The following FOCAD variants were observed in gnomAD, a reference collection of about 807,000 sequenced individuals.
FOCAD encodes the protein focadhesin.
A neutral mutation model predicts 225.6 loss-of-function variants in FOCAD; 198 were observed. The ratio of observed to expected loss-of-function variants is 0.88; its 90% confidence interval spans 0.78 to 0.99. The LOEUF is 0.99. Among genes scored for constraint, FOCAD ranks in the 50% least tolerant of loss-of-function variants. The pLI, the probability that FOCAD is intolerant of heterozygous loss-of-function variation, is 0.00. For synonymous variants in FOCAD, 897 were observed against 755.0 expected, an observed-to-expected ratio of 1.19 and a Z score of -3.08; for missense variants, 2,713 against 2,123.6, an observed-to-expected ratio of 1.28 and a Z score of -5.46.
At chr9:20,821,432 C>T (rs1205034871) in intron 14 of FOCAD, among the ~76,000 whole-genome samples, 1 of 151,944 alleles carries the variant, frequency 6.6e-6, no homozygotes, top group Non-Finnish European at 1.5e-5. Context: ...TATATTCTCC[C>T]TTTGTTTAAG....
At chr9:20,871,787 T>C (rs1482755149) in intron 18 of FOCAD, among the ~76,000 whole-genome samples, 1 of 146,494 alleles carries the variant, frequency 6.8e-6, no homozygotes, top group Non-Finnish European at 1.5e-5. Flanking sequence ...AGGGGTAGCA[T>C]TAGGAGATAT....
At chr9:20,663,926 G>A (rs1821818353) in intron 2 of FOCAD, among the ~76,000 whole-genome samples, 1 of 152,102 alleles carries the variant, frequency 6.6e-6, no homozygotes, top group African/African-American at 2.4e-5. Flanking sequence ...TTAATGTCAT[G>A]AAGTAAATCA....
chr9:20,960,326 A>G (rs1369833749), intron 35 of FOCAD, among the ~76,000 whole-genome samples: 4 of 152,216 alleles, frequency 2.6e-5, no homozygotes, highest in East Asian at 1.9e-4. Flanking sequence ...TCTGTGGCAC[A>G]TGACGTCTCA....
intron 35 of FOCAD, among the ~76,000 whole-genome samples, chr9:20,959,973 G>A (rs915100844): frequency 1.8e-4 from 27 of 152,230 alleles, no homozygotes; most frequent in African/African-American, 6.5e-4. Context: ...AGCAAAAATT[G>A]TCTTCCTTTT....
intron 11 of FOCAD, among the ~76,000 whole-genome samples, chr9:20,806,417 C>G (rs1822460920): frequency 6.6e-6 from 1 of 152,112 alleles, no homozygotes; most frequent in Non-Finnish European, 1.5e-5. Context: ...GAATCTGGAA[C>G]CCAGAACTAA....
intron 11 of FOCAD, among the ~76,000 whole-genome samples, chr9:20,795,490 C>A (rs1443012502): frequency 2.6e-5 from 4 of 152,028 alleles, no homozygotes; most frequent in Non-Finnish European, 5.9e-5. Flanking sequence ...ATTAAGAAGA[C>A]ACAGCATGTT....
chr9:20,859,104 G>A (rs1239046161), intron 15 of FOCAD, among the ~76,000 whole-genome samples: 1 of 152,164 alleles, frequency 6.6e-6, no homozygotes. Context: ...GCTGGGCATG[G>A]TGGCTCATGC....
Position 20,916,886 on chromosome 9 carries a change from A to G in FOCAD, c.2808-7A>G, listed in dbSNP as rs1048024952. 3.7e-6 allele frequency: 6 copies of G among 1,601,918 alleles called. No homozygotes were observed. Among genetic ancestry groups the G allele is most frequent in the Non-Finnish European group, 5.1e-6 (6 of 1,176,060 alleles). On this transcript the variant is annotated splice_polypyrimidine_tract_variant and splice_region_variant and intron_variant, in intron 23 of 43. Transcript: ENST00000338382. Reference sequence around the variant, plus strand: ...AAACTCTCGTCTATTTTCCATCTTTATTGCAGGGTTAGAGACATGCTGACT... The same window carrying G: ...AAACTCTCGTCTATTTTCCATCTTTGTTGCAGGGTTAGAGACATGCTGACT...
At chr9:20,983,570 C>CAAA (rs371636885) in intron 39 of FOCAD, among the ~76,000 whole-genome samples, 2,507 of 98,254 alleles carry the variant, frequency 0.026, 60 homozygotes, top group East Asian at 0.07. Flanking sequence ...GACTCTGTCT[C>CAAA]AAAAAAAAAA....
intron 15 of FOCAD, among the ~76,000 whole-genome samples, chr9:20,853,343 T>A (rs1328222473): frequency 1.3e-5 from 2 of 151,760 alleles, no homozygotes; most frequent in African/African-American, 2.4e-5. Context: ...GGTGGCTTCA[T>A]AGTCTAGATC....
In FOCAD at chr9:20,759,187, A is replaced by G. The variant is rs189366572; in HGVS notation, c.494+996A>G. Among the ~76,000 whole-genome samples, 19 of 152,328 alleles carry G rather than the reference A, an allele frequency of 1.2e-4. No homozygotes were observed. In the East Asian group the frequency reaches 3.7e-3, roughly 29 times the overall value. The stretch of plus-strand genomic sequence containing the variant: ...GAATCAATATCATGAAAATGGCCAT[A>G]CTGCCCAAGGCCATTAAAAACTACT... On this transcript the variant is annotated intron_variant, in intron 6 of 43. Transcript: ENST00000338382.
At chr9:20,860,885 C>G (rs1222642942) in intron 15 of FOCAD, among the ~76,000 whole-genome samples, 2 of 152,198 alleles carry the variant, frequency 1.3e-5, no homozygotes, top group South Asian at 2.1e-4. Context: ...CCTACCTTTT[C>G]TTTTAGATTT....
chr9:20,718,814 G>A (rs1405352901), intron 3 of FOCAD, among the ~76,000 whole-genome samples: 1 of 152,108 alleles, frequency 6.6e-6, no homozygotes, highest in Admixed American at 6.5e-5. Flanking sequence ...AAAAATGAAT[G>A]CTTACACAGT....
chr9:20,778,237 C>T (rs1159914613), intron 8 of FOCAD, among the ~76,000 whole-genome samples: 5 of 151,798 alleles, frequency 3.3e-5, no homozygotes, highest in Admixed American at 6.6e-5. Context: ...GACTGTGTGG[C>T]ATTGACTAAT....
chr9:20,805,129 A>G (rs1048188518), intron 11 of FOCAD, among the ~76,000 whole-genome samples: 1 of 152,168 alleles, frequency 6.6e-6, no homozygotes, highest in Non-Finnish European at 1.5e-5. Flanking sequence ...TAAGCACTTT[A>G]AGGTACATGA....
At chr9:20,738,453 T>C (rs1362915922) in intron 4 of FOCAD, among the ~76,000 whole-genome samples, 3 of 152,154 alleles carry the variant, frequency 2.0e-5, no homozygotes, top group Non-Finnish European at 2.9e-5. Context: ...TTGACATCCA[T>C]TGGAGAACAC....
intron 27 of FOCAD, among the ~76,000 whole-genome samples, chr9:20,931,324 A>G (rs1403818176): frequency 2.0e-5 from 3 of 152,122 alleles, no homozygotes; most frequent in Admixed American, 2.0e-4. Context: ...CTTTGCCCTA[A>G]CGTTCCTGTG....
intron 21 of FOCAD, among the ~76,000 whole-genome samples, chr9:20,898,918 G>A (rs1011457433): frequency 1.3e-5 from 2 of 151,904 alleles, no homozygotes; most frequent in Admixed American, 1.3e-4. Context: ...CTCATAGTGA[G>A]CCTAGAACTT....
At chr9:20,974,477 C>A (rs1284246373) in intron 35 of FOCAD, among the ~76,000 whole-genome samples, 2 of 105,418 alleles carry the variant, frequency 1.9e-5, no homozygotes, top group Non-Finnish European at 3.9e-5. Flanking sequence ...CCCTACTTCC[C>A]CCTTCTTTCA....
Sources: allele counts gnomAD v4.1 joint callset (sites outside exome capture counted in the v4.1 genomes callset), GRCh38; gene constraint gnomAD v4.1.1; transcripts MANE v1.5; gene names NCBI Gene and HGNC (gene_info 2026-07-23, HGNC 2026-07-21).